Variants in TNRC6C observed in about 807,000 individuals in gnomAD.
TNRC6C encodes the protein trinucleotide repeat-containing gene 6C protein.
In TNRC6C, 20 loss-of-function variants were observed where a neutral mutation model predicts 153.7. The observed-to-expected ratio is 0.13, with a 90% CI of 0.09 to 0.19. The LOEUF is 0.19. TNRC6C is among the 10% of genes least tolerant of loss of function. TNRC6C has a pLI of 1.00. For missense variants in TNRC6C, 1,987 were observed against 2,172.0 expected, an observed-to-expected ratio of 0.91 and a Z score of 1.69; for synonymous variants, 811 against 841.4, an observed-to-expected ratio of 0.96 and a Z score of 0.63.
Position 78,049,221 on chromosome 17 carries a change from T to A in TNRC6C, c.159T>A (p.Gly53=). 1 of 1,612,284 alleles carries A rather than the reference T, an allele frequency of 6.2e-7. No homozygotes were observed. Among genetic ancestry groups the A allele is most frequent in the South Asian group, 1.1e-5 (1 of 90,732 alleles). ...ATGGAAGTGCGGCCAGAGTGTGGGG[T>A]GTAGCCACAGGCTCCAGCTCTGGCC... is the stretch of plus-strand genomic sequence containing the variant. The change falls in exon 3 of 20, where the codon GGT becomes GGA. Residue 53 remains glycine (G), a synonymous_variant. Transcript: ENST00000301624. The surrounding 1 kb of genome is among the most constrained non-coding windows in gnomAD (Gnocchi z 4.1).
chr17:78,043,571 C>A lies in TNRC6C; in HGVS notation c.-218-5274C>A, dbSNP rs190873681. On this transcript the variant is annotated intron_variant, in intron 2 of 19. Coordinates refer to ENST00000301624, the Ensembl canonical transcript of TNRC6C. Reference sequence around the variant, plus strand: ...TCTCAAGTATTTATCCATTGTGTTACAAATAATCCTATTATACTCTTTTAT... The same window carrying A: ...TCTCAAGTATTTATCCATTGTGTTAAAAATAATCCTATTATACTCTTTTAT... Among the ~76,000 whole-genome samples, 243 of 152,206 alleles carry A rather than the reference C, an allele frequency of 1.6e-3. 1 individual carries two copies. The highest frequency in any genetic ancestry group is 0.01 in the Middle Eastern group (3 of 294).
chr17:78,005,745 A>G (rs557109999), intron 1 of TNRC6C, among the ~76,000 whole-genome samples: 1 of 152,330 alleles, frequency 6.6e-6, no homozygotes, highest in Admixed American at 6.5e-5. Context: ...ATTTGGGACA[A>G]GTTACTTCAC....
rs376712486 is a variant in TNRC6C at position 78,079,504 on chromosome 17, G to T, written c.3320G>T (p.Ser1107Ile). The change falls in exon 10 of 20, where the codon AGT becomes ATT. Residue 1107 changes from serine to isoleucine, a missense_variant. Physicochemically the swap from Ser to Ile is moderately radical, Grantham distance 142. Around this residue, in one of 4 missense-constraint regions of TNRC6C, gnomAD observed 765 missense variants for 908.6 expected, o/e 0.84. Transcript: ENST00000301624. This position sits in a 1 kb window ranked among gnomAD's most constrained non-coding sequence, Gnocchi z 4.3. ...CAGCCTCTTAACTCTTCCCAGCCCA[G>T]TCTCCGTGCTCAAGTGCCTCAGTTT... is the stretch of plus-strand genomic sequence containing the variant. 104 of 1,613,760 alleles carry T rather than the reference G, an allele frequency of 6.4e-5. No individual in the cohort carries two copies. Among genetic ancestry groups the T allele is most frequent in the Non-Finnish European group, 8.6e-5 (101 of 1,179,896 alleles).
At chr17:77,961,896 C>T (rs932171398) in intron 1 of TNRC6C, among the ~76,000 whole-genome samples, 2 of 152,218 alleles carry the variant, frequency 1.3e-5, no homozygotes. Flanking sequence ...TCCTGAGATA[C>T]ATTTGTGCTT....
chr17:78,016,226 GTC>G (rs199763154), intron 1 of TNRC6C, among the ~76,000 whole-genome samples: 2 of 152,194 alleles, frequency 1.3e-5, no homozygotes, highest in East Asian at 1.9e-4. Flanking sequence ...CACTAACACT[GTC>G]TCTCTCAGCC....
intron 1 of TNRC6C, among the ~76,000 whole-genome samples, chr17:77,959,594 C>G (rs184746827): frequency 6.6e-6 from 1 of 152,160 alleles, no homozygotes; most frequent in Non-Finnish European, 1.5e-5. Context: ...TCCGGGCAGC[C>G]CCCCGCAGAT....
At chr17:78,055,754 G>C (rs1053685989) in intron 3 of TNRC6C, among the ~76,000 whole-genome samples, 10 of 152,148 alleles carry the variant, frequency 6.6e-5, no homozygotes, top group African/African-American at 2.4e-4. Context: ...TCTGGCCATG[G>C]TTGGCAGTCA....
intron 1 of TNRC6C, among the ~76,000 whole-genome samples, chr17:77,994,589 C>A (rs1460020405): frequency 6.6e-6 from 1 of 152,216 alleles, no homozygotes; most frequent in Non-Finnish European, 1.5e-5. Context: ...ATATTGATAA[C>A]TGCCCCAGGC....
At chr17:77,966,595 T>G (rs2144041873) in intron 1 of TNRC6C, among the ~76,000 whole-genome samples, 1 of 152,346 alleles carries the variant, frequency 6.6e-6, no homozygotes, top group East Asian at 1.9e-4. Context: ...ACATAGTACA[T>G]TCTTTTTAGA....
intron 1 of TNRC6C, among the ~76,000 whole-genome samples, chr17:77,971,041 G>T (rs191692392): frequency 6.6e-6 from 1 of 151,972 alleles, no homozygotes; most frequent in South Asian, 2.1e-4. Flanking sequence ...TAGGTGGGGG[G>T]TATAAAATTC....
At chr17:78,026,660 G>A (rs559430366) in intron 1 of TNRC6C, among the ~76,000 whole-genome samples, 7 of 152,272 alleles carry the variant, frequency 4.6e-5, no homozygotes, top group East Asian at 1.9e-4. Context: ...TCAGGACCAC[G>A]TGGACCTTGC....
At chr17:77,962,841 T>G (rs2070871820) in intron 1 of TNRC6C, among the ~76,000 whole-genome samples, 1 of 152,244 alleles carries the variant, frequency 6.6e-6, no homozygotes, top group Non-Finnish European at 1.5e-5. Flanking sequence ...TGGTCTCTCT[T>G]GCATGACAAC....
intron 1 of TNRC6C, among the ~76,000 whole-genome samples, 176 bp downstream of exon 1, chr17:77,959,444 G>C (rs1473974205): frequency 6.6e-6 from 1 of 151,614 alleles, no homozygotes; most frequent in Non-Finnish European, 1.5e-5. Flanking sequence ...GGCCGGGGCC[G>C]GGGCGCGTGT....
At chr17:78,002,923 A>C (rs2071434983), upstream of TNRC6C, among the ~76,000 whole-genome samples, 1 of 152,230 alleles carries the variant, frequency 6.6e-6, no homozygotes, top group African/African-American at 2.4e-5. Flanking sequence ...AGAAGTGATT[A>C]AAATAGCTTA....
intron 1 of TNRC6C, among the ~76,000 whole-genome samples, chr17:78,026,698 G>A (rs77446389): frequency 0.026 from 3,985 of 152,186 alleles, 185 homozygotes; most frequent in African/African-American, 0.091. Context: ...TTCTGAGAGC[G>A]TTACAAGACC....
upstream of TNRC6C, among the ~76,000 whole-genome samples, chr17:77,958,221 C>T (rs911217503): frequency 1.6e-4 from 24 of 152,106 alleles, 1 homozygote; most frequent in Middle Eastern, 6.8e-3. Context: ...GGCGCTGGCC[C>T]GGAGAACCCA....
chr17:78,031,537 G>A (rs1254444095), exon 2 of TNRC6C: 8 of 1,232,104 alleles, frequency 6.5e-6, no homozygotes, highest in Non-Finnish European at 8.1e-6. Flanking sequence ...ACTAAGACCT[G>A]TTCAAGCCAG....
chr17:77,967,110 G>A lies in TNRC6C; in HGVS notation c.-38+7842G>A, dbSNP rs141688339. Among the ~76,000 whole-genome samples, 255 of 152,250 alleles carry A rather than the reference G, an allele frequency of 1.7e-3. 1 individual carries two copies. The highest frequency in any genetic ancestry group is 5.6e-3 in the African/African-American group (234 of 41,538). On this transcript the variant is annotated intron_variant, in intron 1 of 22. Coordinates refer to the TNRC6C transcript ENST00000636222. ...ATTTTATCAGTCAGGTGATGAATGA[G>A]GATCTTAGCCACTGTTGGACTTTTG...
chr17:78,087,154 G>A, intron 13 of TNRC6C, 61 bp downstream of exon 15: 1 of 1,574,034 alleles, frequency 6.4e-7, no homozygotes, highest in Non-Finnish European at 8.6e-7. Flanking sequence ...GAGTCCGTAT[G>A]TGGTAGCCAG....
Sources: gnomAD v4.1 joint callset for allele counts (sites outside exome capture counted in the v4.1 genomes callset) on GRCh38, gnomAD v4.1.1 for gene constraint, gnomAD v4.1.1 regional missense constraint, Gnocchi (gnomAD v3.1) non-coding constraint, MANE v1.5 for transcripts, NCBI Gene and HGNC (gene_info 2026-07-23, HGNC 2026-07-21) for gene names.